The following CFAP91 variants were observed in gnomAD, a reference collection of about 807,000 sequenced individuals.
CFAP91 encodes the protein cilia- and flagella-associated protein 91.
CFAP91 carries 85 observed loss-of-function variants against 95.9 expected under a neutral mutation model. The observed-to-expected ratio is 0.89, with a 90% confidence interval of 0.74 to 1.06. The LOEUF (loss-of-function observed/expected upper bound fraction) is 1.06, where lower values mean the gene tolerates loss of function less well. Ranked by LOEUF, CFAP91 falls within the 50% of genes least tolerant of loss-of-function variation. The pLI is 0.00. For synonymous variants in CFAP91, 335 were observed against 327.5 expected (o/e 1.02, Z -0.25); for missense variants, 962 against 943.4 (o/e 1.02, Z -0.26).
intron 6 of CFAP91, among the ~76,000 whole-genome samples, chr3:119,725,485 G>A (rs1286876039): frequency 6.6e-6 from 1 of 152,206 alleles, no homozygotes; most frequent in Admixed American, 6.5e-5. Flanking sequence ...GTGGCCAAGT[G>A]GCTCACACCT....
chr3:119,730,922 G>A (rs972737567), intron 8 of CFAP91, among the ~76,000 whole-genome samples: 14 of 152,208 alleles, frequency 9.2e-5, no homozygotes, highest in African/African-American at 3.1e-4. Context: ...CTGAATTAAA[G>A]ATTCAAGTTA....
Position 119,747,054 on chromosome 3 carries a change from T to G in CFAP91, c.1903-61T>G, listed in dbSNP as rs2054233682. The G allele has an allele frequency of 4.5e-6, 6 of 1,321,442 alleles. No homozygotes were observed. The East Asian group carries it at 1.5e-4, about 33-fold the overall frequency. 81.9% of individuals were successfully genotyped at this position (1,321,442 alleles called of 1,614,324 possible). On this transcript the variant is annotated intron_variant, in intron 14 of 17. Coordinates refer to ENST00000273390, the MANE Select transcript of CFAP91 (RefSeq NM_033364.4). ...AAAAAGTTAACCAATGTTTGTGTAT[T>G]TTTCTTGTGTTGTTTACAACAGCAT... is the stretch of plus-strand genomic sequence containing the variant.
chr3:119,755,045 C>A (rs565063526), intron 17 of CFAP91, among the ~76,000 whole-genome samples: 1 of 152,272 alleles, frequency 6.6e-6, no homozygotes, highest in Non-Finnish European at 1.5e-5. Flanking sequence ...TATGCCTCTC[C>A]CACCATAGCA....
chr3:119,738,045 A>G (rs1368070658), intron 11 of CFAP91, among the ~76,000 whole-genome samples: 1 of 152,242 alleles, frequency 6.6e-6, no homozygotes, highest in African/African-American at 2.4e-5. Flanking sequence ...ATTACTTTAC[A>G]GAGAGAACTA....
chr3:119,750,937 T>C lies in CFAP91; in HGVS notation c.2144T>C (p.Val715Ala), dbSNP rs755116921. Residue 715 changes from valine to alanine, a missense_variant and splice_region_variant, in exon 17 of 18, where the codon GTG becomes GCG. Transcript: ENST00000273390. The stretch of plus-strand genomic sequence containing the variant: ...AAATTTTTCTATTACTTTGGCACAG[T>C]GAGGAACGCACAGCGGAAACATATT... Reference protein sequence around the residue: ...EVQKYFVKEKVRNAQRKHILA... With the variant: ...EVQKYFVKEKARNAQRKHILA... The C allele has an allele frequency of 6.2e-7, 1 of 1,613,900 alleles. No homozygotes were observed. Among genetic ancestry groups the C allele is most frequent in the South Asian group, 1.1e-5 (1 of 91,076 alleles).
intron 1 of CFAP91, 36 bp from the exon 2 acceptor site, chr3:119,706,773 T>A: frequency 6.7e-7 from 1 of 1,487,158 alleles, no homozygotes. Flanking sequence ...GTAGATATGT[T>A]CTATCTGTTA....
At chr3:119,731,459 A>G (rs1577221424) in intron 8 of CFAP91, among the ~76,000 whole-genome samples, 2 of 152,334 alleles carry the variant, frequency 1.3e-5, no homozygotes, top group Non-Finnish European at 2.9e-5. Flanking sequence ...TTTAGATACA[A>G]TCAACATTTG....
intron 3 of CFAP91, 96 bp downstream of exon 3, chr3:119,707,657 G>A (rs955575027): frequency 1.2e-5 from 15 of 1,224,042 alleles, no homozygotes; most frequent in African/African-American, 1.5e-5. Context: ...TTCAGTTGTG[G>A]TGTTATACCT....
At chr3:119,725,506 C>T (rs530249750) in intron 6 of CFAP91, among the ~76,000 whole-genome samples, 2 of 152,358 alleles carry the variant, frequency 1.3e-5, no homozygotes, top group Middle Eastern at 3.4e-3. Flanking sequence ...GTAATCCCAA[C>T]ACTTTGGGAG....
At chr3:119,758,101 T>C (rs2054467412) in intron 17 of CFAP91, among the ~76,000 whole-genome samples, 1 of 152,166 alleles carries the variant, frequency 6.6e-6, no homozygotes. Context: ...TGCTGAATAT[T>C]CTGACTTGCA....
chr3:119,704,458 G>C (rs535895261), intron 1 of CFAP91, among the ~76,000 whole-genome samples: 2 of 152,256 alleles, frequency 1.3e-5, no homozygotes, highest in Admixed American at 6.5e-5. Flanking sequence ...GTGCTCTCCT[G>C]CTTTCTTTCT....
chr3:119,704,400 G>A (rs2053320873), intron 1 of CFAP91, among the ~76,000 whole-genome samples: 1 of 152,204 alleles, frequency 6.6e-6, no homozygotes, highest in South Asian at 2.1e-4. Context: ...GCGAAGTATA[G>A]CCAGGGCGGA....
chr3:119,718,464 A>C (rs1019176971), intron 6 of CFAP91, among the ~76,000 whole-genome samples: 2 of 152,172 alleles, frequency 1.3e-5, no homozygotes, highest in African/African-American at 2.4e-5. Flanking sequence ...CTAGGACATG[A>C]GTATAGGGAA....
intron 17 of CFAP91, among the ~76,000 whole-genome samples, chr3:119,764,347 A>T (rs1254677094): frequency 6.6e-6 from 1 of 152,158 alleles, no homozygotes; most frequent in Non-Finnish European, 1.5e-5. Context: ...AAATATATAA[A>T]GTTGTAAATT....
intron 4 of CFAP91, among the ~76,000 whole-genome samples, chr3:119,709,187 C>T (rs1018850018): frequency 3.3e-5 from 5 of 152,102 alleles, no homozygotes; most frequent in Non-Finnish European, 7.4e-5. Context: ...ACCATATACT[C>T]AAATCAAATT....
chr3:119,710,019 G>T (rs533423691), intron 5 of CFAP91, 124 bp downstream of exon 5: 10 of 727,800 alleles, frequency 1.4e-5, no homozygotes, highest in African/African-American at 1.1e-4. Flanking sequence ...CATTAGAAGG[G>T]TATGAAATCT....
Position 119,706,809 on chromosome 3 carries a change from A to G in CFAP91, c.125A>G (p.Asp42Gly). ...SSNRAYDFLYDPLFIVSSEKD... is the reference protein window; with the variant it reads ...SSNRAYDFLYGPLFIVSSEKD... ...TGCTACTTGATTGTTTATTTTGCAG[A>G]TCCATTGTTTATTGTGTCAAGTGAG... The change falls in exon 2 of 18, where the codon GAT (aspartate) becomes GGT (glycine). Residue 42 changes from aspartate to glycine, a missense_variant and splice_region_variant. Asp to Gly is a moderately conservative substitution (Grantham distance 94). Transcript: ENST00000273390. 1 of 1,612,164 alleles carries G rather than the reference A, an allele frequency of 6.2e-7. No individual in the cohort carries two copies. The highest frequency in any genetic ancestry group is 8.5e-7 in the Non-Finnish European group (1 of 1,178,448).
chr3:119,754,443 A>G (rs2054385817), intron 17 of CFAP91, among the ~76,000 whole-genome samples: 1 of 152,242 alleles, frequency 6.6e-6, no homozygotes, highest in African/African-American at 2.4e-5. Context: ...GCCTATTTAT[A>G]TTGGAAAAAA....
intron 17 of CFAP91, among the ~76,000 whole-genome samples, chr3:119,764,624 C>CAT (rs962089108): frequency 5.0e-4 from 75 of 151,174 alleles, no homozygotes; most frequent in South Asian, 3.4e-3. Flanking sequence ...CAAACAAATA[C>CAT]ATATATATAT....
Sources: gnomAD v4.1 joint callset for allele counts (sites outside exome capture counted in the v4.1 genomes callset) on GRCh38, gnomAD v4.1.1 for gene constraint, MANE v1.5 for transcripts, NCBI Gene and HGNC (gene_info 2026-07-23, HGNC 2026-07-21) for gene names.